Variants in CREG2 observed in about 807,000 individuals in gnomAD.
CREG2 encodes protein CREG2.
A neutral mutation model predicts 26.2 loss-of-function variants in CREG2; 24 were observed. The ratio of observed to expected loss-of-function variants is 0.92; its 90% CI spans 0.66 to 1.29. The LOEUF (loss-of-function observed/expected upper bound fraction) is 1.29. CREG2 is among the 50% of genes most tolerant of loss of function. The pLI, the probability that CREG2 is intolerant of heterozygous loss-of-function variation, is 0.00. For synonymous variants in CREG2, 174 were observed against 169.2 expected (o/e 1.03, Z -0.22); for missense variants, 366 against 398.6 (o/e 0.92, Z 0.70).
chr2:101,352,771 G>C (rs1684401809), intron 3 of CREG2, among the ~76,000 whole-genome samples: 1 of 152,162 alleles, frequency 6.6e-6, no homozygotes, highest in East Asian at 1.9e-4. Context: ...TCATGCCACT[G>C]CACTCCAGCC....
chr2:101,359,325 A>T (rs1684507787), intron 2 of CREG2, among the ~76,000 whole-genome samples: 1 of 152,126 alleles, frequency 6.6e-6, no homozygotes, highest in Admixed American at 6.6e-5. Flanking sequence ...CTTGGAGGTG[A>T]GCATGCACAG....
At chr2:101,361,795 T>C (rs923418063) in intron 2 of CREG2, among the ~76,000 whole-genome samples, 9 of 152,194 alleles carry the variant, frequency 5.9e-5, no homozygotes, top group African/African-American at 2.4e-5. Context: ...CTGTGGTTAC[T>C]GGCAGCTGCA....
rs536740133 is a variant in CREG2, at chr2:101,361,964, T to C, written c.612-6598A>G. On this transcript the variant is annotated intron_variant, in intron 2 of 3. Coordinates refer to ENST00000324768, the MANE Select transcript of CREG2 (RefSeq NM_153836.4). ...TCTGGGTAACAGATCTCATCTATTG[T>C]TGAGGCATCCACTTCCCTCTCACAC... Among the ~76,000 whole-genome samples, 39 of 152,298 alleles carry C rather than the reference T, an allele frequency of 2.6e-4. 1 individual carries two copies. Among genetic ancestry groups the C allele is most frequent in the African/African-American group, 8.9e-4 (37 of 41,566 alleles).
chr2:101,386,090 C>T (rs527288697), intron 1 of CREG2, among the ~76,000 whole-genome samples: 2 of 152,152 alleles, frequency 1.3e-5, no homozygotes, highest in South Asian at 4.2e-4. Flanking sequence ...TTGCCAAACT[C>T]GAAATAAAGT....
In CREG2 at chr2:101,350,370, A is replaced by G. The variant is rs1573298438; in HGVS notation, c.*553T>C. On this transcript the variant is annotated 3_prime_UTR_variant, in exon 4 of 4. Coordinates refer to ENST00000324768, the MANE Select transcript of CREG2 (RefSeq NM_153836.4). ...GTGGGAGAAAAGCTGCATTCTAGCC[A>G]GTATGACCTAATAATGCATCTGCAA... The G allele has an allele frequency of 2.6e-5, 4 of 152,920 alleles. No homozygotes were observed. 9.5% of individuals were successfully genotyped at this position (152,920 alleles called of 1,614,324 possible). A position where few individuals can be genotyped will look rare whatever the true frequency, so the allele number is the denominator to read the frequency against.
intron 2 of CREG2, among the ~76,000 whole-genome samples, chr2:101,368,524 G>A (rs914542555): frequency 6.6e-6 from 1 of 152,144 alleles, no homozygotes; most frequent in Non-Finnish European, 1.5e-5. Flanking sequence ...TGGCCTCTGG[G>A]GAGCTGCACT....
chr2:101,350,782 C>T lies in CREG2; in HGVS notation c.*141G>A, dbSNP rs760390123. The T allele has an allele frequency of 8.6e-6, 7 of 812,786 alleles. No homozygotes were observed. Among genetic ancestry groups the T allele is most frequent in the Non-Finnish European group, 1.4e-5 (7 of 500,436 alleles). 50.3% of individuals were successfully genotyped at this position (812,786 alleles called of 1,614,324 possible). ...CAAATCTAGCATAGAGTTCCCTGTT[C>T]ACCCTCTCTCATTCTGCTGCAGGGA... On this transcript the variant is annotated 3_prime_UTR_variant, in exon 4 of 4. Coordinates refer to ENST00000324768, the MANE Select transcript of CREG2 (RefSeq NM_153836.4).
At chr2:101,365,420 C>G (rs1684606272) in intron 2 of CREG2, among the ~76,000 whole-genome samples, 2 of 152,098 alleles carry the variant, frequency 1.3e-5, no homozygotes. Flanking sequence ...CTACTCCATC[C>G]TCCTAGGGAT....
At position 101,355,271 on chromosome 2, in the gene CREG2, T is replaced by C. The variant is rs751272856; in HGVS notation, c.707A>G (p.Lys236Arg). Residue 236 changes from lysine to arginine, a missense_variant, in exon 3 of 4, where the codon AAG (lysine) becomes AGG (arginine). Physicochemically the swap from Lys to Arg is conservative, Grantham distance 26 (BLOSUM62 2). Transcript: ENST00000324768. ...AVSPEEVEFA[K>R]QAMFSRHPGM... is the part of the protein sequence containing the mutation. Reference sequence around the variant, plus strand: ...TACACACCTTGAAAACATGGCTTGCTTGGCAAATTCTACTTCTTCTGGAGA... The same window carrying C: ...TACACACCTTGAAAACATGGCTTGCCTGGCAAATTCTACTTCTTCTGGAGA... 5.0e-6 allele frequency: 8 copies of C among 1,612,402 alleles called. No homozygotes were observed. The highest frequency in any genetic ancestry group is 6.8e-6 in the Non-Finnish European group (8 of 1,178,416).
At chr2:101,363,082 A>AT (rs1684567384) in intron 2 of CREG2, among the ~76,000 whole-genome samples, 1 of 152,112 alleles carries the variant, frequency 6.6e-6, no homozygotes, top group African/African-American at 2.4e-5. Context: ...TAACCTTTTT[A>AT]TTTTTATTTT....
At chr2:101,355,178 C>T in intron 3 of CREG2, 75 bp downstream of exon 3, 1 of 971,464 alleles carries the variant, frequency 1.0e-6, no homozygotes, top group Non-Finnish European at 1.6e-6. Context: ...TCAGAGGCAT[C>T]TAATGGCACA....
At chr2:101,386,306 T>C (rs1684965900) in intron 1 of CREG2, among the ~76,000 whole-genome samples, 1 of 152,236 alleles carries the variant, frequency 6.6e-6, no homozygotes, top group Non-Finnish European at 1.5e-5. Flanking sequence ...TTCACATTAC[T>C]GCCTTGTAGC....
Position 101,345,661 on chromosome 2 carries a change from A to G in CREG2, c.*5262T>C, listed in dbSNP as rs2104464888. 1 of 152,342 alleles carries G rather than the reference A, an allele frequency of 6.6e-6. No homozygotes were observed. Among genetic ancestry groups the G allele is most frequent in the African/African-American group, 2.4e-5 (1 of 41,564 alleles). 9.4% of individuals were successfully genotyped at this position (152,342 alleles called of 1,614,324 possible). ...AGATTTTACATTTTACATGCATTAC[A>G]TGGCACAAATAATCACATCATTACA... On this transcript the variant is annotated 3_prime_UTR_variant, in exon 4 of 4. Coordinates refer to ENST00000324768, the MANE Select transcript of CREG2 (RefSeq NM_153836.4).
In CREG2 at chr2:101,355,264, G is replaced by A. The variant is rs752511188; in HGVS notation, c.714C>T (p.Ala238=). ...SPEEVEFAKQ[A]MFSRHPGMRK... The stretch of plus-strand genomic sequence containing the variant: ...AAGCATTTACACACCTTGAAAACAT[G>A]GCTTGCTTGGCAAATTCTACTTCTT... Residue 238 remains alanine (A), a synonymous_variant, in exon 3 of 4, where the codon GCC becomes GCT. Transcript: ENST00000324768. The A allele has an allele frequency of 6.2e-6, 10 of 1,608,570 alleles. No homozygotes were observed. Among genetic ancestry groups the A allele is most frequent in the Admixed American group, 3.3e-5 (2 of 59,988 alleles).
chr2:101,380,003 CTATCT>C lies in CREG2; in HGVS notation c.611+3525_611+3529del, dbSNP rs201843821. On this transcript the variant is annotated intron_variant, in intron 2 of 3. Transcript: ENST00000324768. Reference sequence around the variant, plus strand: ...TCTATCTATCTATCTATCTATCTATCTATCTATCTATCAATCATCTATCCATCCAT... The same window carrying C: ...TCTATCTATCTATCTATCTATCTATCATCTATCAATCATCTATCCATCCAT... Among the ~76,000 whole-genome samples, 822 of 151,542 alleles carry C rather than the reference CTATCT, an allele frequency of 5.4e-3. 9 individuals are homozygous for C. The highest frequency in any genetic ancestry group is 0.019 in the African/African-American group (768 of 41,008).
intron 3 of CREG2, among the ~76,000 whole-genome samples, chr2:101,351,970 C>T (rs923976581): frequency 6.6e-6 from 1 of 151,956 alleles, no homozygotes; most frequent in African/African-American, 2.4e-5. Flanking sequence ...ACCGCAGCCT[C>T]GATCTCCTGG....
intron 2 of CREG2, among the ~76,000 whole-genome samples, chr2:101,364,123 A>T (rs1422014909): frequency 6.6e-6 from 1 of 152,182 alleles, no homozygotes; most frequent in Non-Finnish European, 1.5e-5. Flanking sequence ...ACGATCTTAC[A>T]CAAGGAACTG....
chr2:101,359,296 G>A (rs927467873), intron 2 of CREG2, among the ~76,000 whole-genome samples: 1 of 152,204 alleles, frequency 6.6e-6, no homozygotes, highest in African/African-American at 2.4e-5. Flanking sequence ...CTGTCTGCAT[G>A]TGCAGTGGCC....
intron 1 of CREG2, 35 bp from the exon 2 acceptor site, chr2:101,383,737 A>T: frequency 6.5e-7 from 1 of 1,547,964 alleles, no homozygotes; most frequent in South Asian, 1.3e-5. Flanking sequence ...TTCAGTGCAG[A>T]GCTGTGGCTC....
Sources: gnomAD v4.1 joint callset for allele counts (sites outside exome capture counted in the v4.1 genomes callset) on GRCh38, gnomAD v4.1.1 for gene constraint, MANE v1.5 for transcripts, NCBI Gene and HGNC (gene_info 2026-07-23, HGNC 2026-07-21) for gene names.